Variants in SAMSN1 observed in about 807,000 individuals in gnomAD.
SAMSN1 encodes the protein SAM domain, SH3 domain and nuclear localization signals 1.
In SAMSN1, 31 loss-of-function variants were observed where a neutral mutation model predicts 42.0. The ratio of observed to expected loss-of-function variants is 0.74; its 90% confidence interval spans 0.55 to 1.00. The LOEUF (loss-of-function observed/expected upper bound fraction) is 1.00. Among genes scored for constraint, SAMSN1 ranks in the 50% least tolerant of loss-of-function variants. SAMSN1 has a pLI of 0.00. For missense variants in SAMSN1, 464 were observed against 439.4 expected (o/e 1.06, Z -0.50); for synonymous variants, 178 against 151.9 (o/e 1.17, Z -1.26).
chr21:14,553,043 AT>A (rs1980649400), intron 2 of SAMSN1, among the ~76,000 whole-genome samples: 1 of 151,922 alleles, frequency 6.6e-6, no homozygotes, highest in Admixed American at 6.6e-5. Context: ...TCCTTCCAAT[AT>A]TTAAAAAAAA....
At chr21:14,585,714 C>T (rs1355228239), upstream of SAMSN1, among the ~76,000 whole-genome samples, 3 of 152,042 alleles carry the variant, frequency 2.0e-5, no homozygotes, top group Non-Finnish European at 4.4e-5. Flanking sequence ...ATCCTATGTG[C>T]CTAGGATTGT....
At chr21:14,522,827 C>T (rs983413048) in intron 1 of SAMSN1, among the ~76,000 whole-genome samples, 3 of 152,184 alleles carry the variant, frequency 2.0e-5, no homozygotes, top group Admixed American at 2.0e-4. Context: ...GTGGCCAGAG[C>T]CTATCCCCAC....
intron 5 of SAMSN1, among the ~76,000 whole-genome samples, chr21:14,605,840 A>T (rs939241509): frequency 5.4e-5 from 8 of 149,270 alleles, no homozygotes; most frequent in Admixed American, 4.0e-4. Flanking sequence ...TTATTTATTT[A>T]TTTATTTATT....
chr21:14,655,751 G>A (rs574906522), intron 1 of SAMSN1, among the ~76,000 whole-genome samples: 11 of 151,778 alleles, frequency 7.2e-5, no homozygotes, highest in African/African-American at 2.7e-4. Context: ...TGATATCATA[G>A]CATTCCTACT....
At chr21:14,641,751 T>C (rs1434882290) in intron 2 of SAMSN1, among the ~76,000 whole-genome samples, 1 of 152,154 alleles carries the variant, frequency 6.6e-6, no homozygotes, top group African/African-American at 2.4e-5. Context: ...TGGTTTATAT[T>C]GTCCTAAGCC....
In SAMSN1 at chr21:14,618,709, CGT is replaced by C. The variant is rs140423899; in HGVS notation, c.157-2695_157-2694del. 3.8e-3 allele frequency among the ~76,000 whole-genome samples: 557 copies of C among 144,770 alleles called. 3 individuals carry two copies. Among genetic ancestry groups the C allele is most frequent in the South Asian group, 0.014 (65 of 4,560 alleles). 95.0% of individuals were successfully genotyped at this position (144,770 alleles called of 152,430 possible). A position where few individuals can be genotyped will look rare whatever the true frequency, so the allele number is the denominator to read the frequency against. Reference sequence around the variant, plus strand: ...GTGTGTGTGCGCGCGCGCGCACGCGCGTGTGTGTGTGTGTGTGTTCTACTCTG... The same window carrying C: ...GTGTGTGTGCGCGCGCGCGCACGCGCGTGTGTGTGTGTGTGTTCTACTCTG... On this transcript the variant is annotated intron_variant, in intron 2 of 15. Coordinates refer to the SAMSN1 transcript ENST00000647101.
intron 2 of SAMSN1, among the ~76,000 whole-genome samples, chr21:14,577,958 T>A (rs74777927): frequency 2.6e-5 from 4 of 152,314 alleles, no homozygotes; most frequent in African/African-American, 9.6e-5. Flanking sequence ...CTGTATCTCA[T>A]TTTCTGTTGA....
chr21:14,537,734 A>G (rs1312040944), intron 1 of SAMSN1, among the ~76,000 whole-genome samples: 1 of 152,154 alleles, frequency 6.6e-6, no homozygotes, highest in Non-Finnish European at 1.5e-5. Flanking sequence ...TTAGTGATTC[A>G]AATATTCGGC....
intron 7 of SAMSN1, among the ~76,000 whole-genome samples, chr21:14,487,819 C>T (rs2123633771): frequency 6.6e-6 from 1 of 152,236 alleles, no homozygotes; most frequent in South Asian, 2.1e-4. Flanking sequence ...GATATTATAA[C>T]TAGTTCTAGA....
chr21:14,526,820 C>A (rs907688398), intron 1 of SAMSN1, among the ~76,000 whole-genome samples: 1 of 152,026 alleles, frequency 6.6e-6, no homozygotes, highest in Non-Finnish European at 1.5e-5. Context: ...GAATACTGAC[C>A]AGCCTGCATT....
intron 1 of SAMSN1, among the ~76,000 whole-genome samples, chr21:14,657,060 C>T (rs1274185219): frequency 6.6e-6 from 1 of 151,622 alleles, no homozygotes; most frequent in African/African-American, 2.4e-5. Context: ...AAAGCTGTAC[C>T]CCCACCCCTT....
At chr21:14,566,536 A>T (rs1303945691) in intron 2 of SAMSN1, among the ~76,000 whole-genome samples, 3 of 151,808 alleles carry the variant, frequency 2.0e-5, no homozygotes, top group Non-Finnish European at 4.4e-5. Context: ...TTCCATATAT[A>T]TATATAAAAT....
intron 2 of SAMSN1, among the ~76,000 whole-genome samples, chr21:14,580,138 G>T (rs1256083038): frequency 7.7e-6 from 1 of 130,476 alleles, no homozygotes; most frequent in Non-Finnish European, 1.8e-5. Context: ...GGGATGATGG[G>T]ATGGGTTCTA....
chr21:14,534,942 C>G (rs1171227384), intron 1 of SAMSN1, among the ~76,000 whole-genome samples: 1 of 152,142 alleles, frequency 6.6e-6, no homozygotes, highest in Non-Finnish European at 1.5e-5. Flanking sequence ...CCTGGGGTAA[C>G]TGATGGAGGC....
chr21:14,643,073 T>C (rs1486408084), exon 2 of SAMSN1: 1 of 717,392 alleles, frequency 1.4e-6, no homozygotes. Context: ...CTACTAGACA[T>C]GTTTTCTTGG....
intron 7 of SAMSN1, among the ~76,000 whole-genome samples, chr21:14,589,427 A>C (rs1982014571): frequency 6.6e-6 from 1 of 152,046 alleles, no homozygotes; most frequent in Non-Finnish European, 1.5e-5. Context: ...AAGACCAACC[A>C]AATTCAGGGA....
chr21:14,508,396 G>A (rs1230677535), intron 5 of SAMSN1, among the ~76,000 whole-genome samples: 1 of 151,990 alleles, frequency 6.6e-6, no homozygotes, highest in Non-Finnish European at 1.5e-5. Context: ...GTAGGCTGAG[G>A]ACATGAATAG....
intron 2 of SAMSN1, among the ~76,000 whole-genome samples, chr21:14,568,825 C>T (rs1375087885): frequency 2.6e-5 from 4 of 152,044 alleles, no homozygotes; most frequent in Non-Finnish European, 5.9e-5. Context: ...GTAGTAATTC[C>T]TTCATGTAAA....
At chr21:14,516,816 G>A in intron 3 of SAMSN1, 76 bp downstream of exon 3, 1 of 1,219,472 alleles carries the variant, frequency 8.2e-7, no homozygotes, top group Non-Finnish European at 1.1e-6. Context: ...AAAGTACCAA[G>A]CACTTCTATA....
Sources: allele counts gnomAD v4.1 joint callset (sites outside exome capture counted in the v4.1 genomes callset), GRCh38; gene constraint gnomAD v4.1.1; transcripts MANE v1.5; gene names NCBI Gene and HGNC (gene_info 2026-07-23, HGNC 2026-07-21).